The following TXNRD3 variants were observed in gnomAD, a reference collection of about 807,000 sequenced individuals.
TXNRD3 encodes the protein thioredoxin reductase 3, also known as TXNRD3 neighbor gene protein.
TXNRD3 carries 68 observed loss-of-function variants against 78.2 expected under a neutral mutation model. The observed-to-expected ratio is 0.87, with a 90% confidence interval of 0.72 to 1.06. TXNRD3 has a LOEUF of 1.06. Ranked by LOEUF, TXNRD3 falls within the 50% of genes least tolerant of loss-of-function variation. The probability of loss-of-function intolerance (pLI) is 0.00; values close to 1 mark genes in which losing one functional copy is unlikely to be tolerated. For missense variants in TXNRD3, 751 were observed against 809.5 expected (o/e 0.93, Z 0.88); for synonymous variants, 296 against 300.1 (o/e 0.99, Z 0.14).
intron 14 of TXNRD3, 74 bp from the exon 15 acceptor site, chr3:126,608,707 TCA>T (rs2107607313): frequency 7.0e-7 from 1 of 1,431,842 alleles, no homozygotes. Context: ...CACTGCAAAT[TCA>T]CAGTTAAAAT....
At position 126,654,740 on chromosome 3, in the gene TXNRD3, G is replaced by A; in HGVS notation, c.243+8C>T. ...GCGCGCGGTGGAACCGGCGAGGGCC[G>A]CGCCTACCCGAGTACTATGGGGACA... On this transcript the variant is annotated splice_region_variant and intron_variant, in intron 1 of 15. Transcript: ENST00000524230. 2.3e-6 allele frequency: 3 copies of A among 1,327,614 alleles called. No individual in the cohort carries two copies. Among genetic ancestry groups the A allele is most frequent in the Non-Finnish European group, 1.9e-6 (2 of 1,038,960 alleles). The allele number at this position is 1,327,614 out of a possible 1,614,324, so 82.2% of individuals were successfully genotyped here. A position where few individuals can be genotyped will look rare whatever the true frequency, so the allele number is the denominator to read the frequency against.
chr3:126,608,154 A>C (rs2107606901), intron 15 of TXNRD3, among the ~76,000 whole-genome samples, 181 bp from the exon 16 acceptor site: 1 of 152,288 alleles, frequency 6.6e-6, no homozygotes, highest in East Asian at 1.9e-4. Context: ...TTAGGTCAGA[A>C]GTTCGAGACC....
chr3:126,608,752 T>A (rs1000897326), intron 14 of TXNRD3, 119 bp from the exon 15 acceptor site: 1 of 1,157,428 alleles, frequency 8.6e-7, no homozygotes. Context: ...AGAACTTCAA[T>A]GTCAAAGTGA....
rs1384096650 is a variant in TXNRD3, at chr3:126,622,540, C to T, written c.1291G>A (p.Val431Ile). The change falls in exon 11 of 16, where the codon GTT becomes ATT. Residue 431 changes from valine (V) to isoleucine (I), a missense_variant and splice_region_variant. By Grantham distance (29) the Val-to-Ile change is conservative (BLOSUM62 3). Transcript: ENST00000524230. ...GAGTCACGACCAATAGCTAACAAAACCTGCATTTGCAGAGAAATCAAAAAC... is the reference window on the plus strand; with the variant it reads ...GAGTCACGACCAATAGCTAACAAAATCTGCATTTGCAGAGAAATCAAAAAC... The T allele has an allele frequency of 3.9e-6, 6 of 1,531,944 alleles. No homozygotes were observed. The highest frequency in any genetic ancestry group is 1.4e-5 in the African/African-American group (1 of 72,806). The allele number at this position is 1,531,944 out of a possible 1,614,324, so 94.9% of individuals were successfully genotyped here. A position where few individuals can be genotyped will look rare whatever the true frequency, so the allele number is the denominator to read the frequency against.
At chr3:126,628,903 A>C (rs1273207763) in intron 10 of TXNRD3, among the ~76,000 whole-genome samples, 1 of 152,146 alleles carries the variant, frequency 6.6e-6, no homozygotes, top group African/African-American at 2.4e-5. Context: ...GAGTATATAA[A>C]ACATAAATGT....
intron 1 of TXNRD3, among the ~76,000 whole-genome samples, chr3:126,653,257 T>G (rs1933432239): frequency 6.6e-6 from 1 of 152,254 alleles, no homozygotes; most frequent in African/African-American, 2.4e-5. Flanking sequence ...GCCATTTGGC[T>G]TAAGGTTGGT....
chr3:126,609,267 A>T, intron 14 of TXNRD3: 1 of 280,114 alleles, frequency 3.6e-6, no homozygotes, highest in South Asian at 3.2e-5. Flanking sequence ...CATACAATAG[A>T]TGAAGAGAAA....
rs1484849164 is a variant in TXNRD3 at position 126,654,976 on chromosome 3, C to T, written c.15G>A (p.Pro5=). Residue 5 remains proline (P), a synonymous_variant, in exon 1 of 16, where the codon CCG becomes CCA. Coordinates refer to ENST00000524230, the MANE Select transcript of TXNRD3 (RefSeq NM_052883.3). ...CCTTTCCCGGCCCGGGCGACTGCGG[C>T]GGCGACCGCTCCAGAGTCTCGCTCT... 1 of 1,300,916 alleles carries T rather than the reference C, an allele frequency of 7.7e-7. No individual in the cohort carries two copies. The allele number at this position is 1,300,916 out of a possible 1,614,324, so 80.6% of individuals were successfully genotyped here.
At chr3:126,619,693 A>G (rs1341241915) in intron 12 of TXNRD3, among the ~76,000 whole-genome samples, 1 of 152,240 alleles carries the variant, frequency 6.6e-6, no homozygotes, top group Non-Finnish European at 1.5e-5. Flanking sequence ...GCATATTTCC[A>G]AAAAGCTAAA....
chr3:126,650,609 C>G (rs947529999), intron 1 of TXNRD3, among the ~76,000 whole-genome samples: 5 of 151,946 alleles, frequency 3.3e-5, no homozygotes, highest in African/African-American at 1.2e-4. Flanking sequence ...CCACTGCACT[C>G]CAGCCTGGGC....
Position 126,655,118 on chromosome 3 carries a change from A to T in TXNRD3, c.-128T>A. Reference sequence around the variant, plus strand: ...GCTGGCCACTCTCACCACCCGCGCGAATCCGCGAGGCAGCCGCTCGCCCCG... The same window carrying T: ...GCTGGCCACTCTCACCACCCGCGCGTATCCGCGAGGCAGCCGCTCGCCCCG... On this transcript the variant is annotated 5_prime_UTR_variant, in exon 1 of 16. Coordinates refer to ENST00000524230, the MANE Select transcript of TXNRD3 (RefSeq NM_052883.3). 1 of 1,292,046 alleles carries T rather than the reference A, an allele frequency of 7.7e-7. No homozygotes were observed. Among genetic ancestry groups the T allele is most frequent in the South Asian group, 2.1e-5 (1 of 46,990 alleles). The allele number at this position is 1,292,046 out of a possible 1,614,324, so 80.0% of individuals were successfully genotyped here. A position where few individuals can be genotyped will look rare whatever the true frequency, so the allele number is the denominator to read the frequency against.
At chr3:126,634,296 G>C (rs911746622) in intron 6 of TXNRD3, among the ~76,000 whole-genome samples, 1 of 152,148 alleles carries the variant, frequency 6.6e-6, no homozygotes, top group Non-Finnish European at 1.5e-5. Context: ...GGAGAAAATG[G>C]GGAAACTGGC....
At chr3:126,609,479 G>A (rs1156400796) in intron 14 of TXNRD3, among the ~76,000 whole-genome samples, 5 of 152,178 alleles carry the variant, frequency 3.3e-5, no homozygotes. Context: ...TGGAACCTGA[G>A]GTGGTGGGTT....
chr3:126,636,683 T>G (rs1250970941), intron 6 of TXNRD3, among the ~76,000 whole-genome samples: 1 of 152,218 alleles, frequency 6.6e-6, no homozygotes, highest in South Asian at 2.1e-4. Context: ...GATTTGCCAA[T>G]GCTTGCCCTA....
chr3:126,631,215 C>G (rs1354374816), intron 8 of TXNRD3, among the ~76,000 whole-genome samples: 2 of 149,658 alleles, frequency 1.3e-5, no homozygotes, highest in African/African-American at 4.9e-5. Flanking sequence ...AAAAAAAAAC[C>G]TGTTTGTTTT....
intron 10 of TXNRD3, 123 bp downstream of exon 10, chr3:126,629,256 T>C (rs1340934093): frequency 1.4e-6 from 1 of 704,934 alleles, no homozygotes; most frequent in African/African-American, 1.8e-5. Context: ...TCTATGATAA[T>C]GCTCTTACAA....
chr3:126,608,191 T>C (rs968006521), intron 15 of TXNRD3, among the ~76,000 whole-genome samples: 2 of 151,924 alleles, frequency 1.3e-5, no homozygotes, highest in South Asian at 4.2e-4. Flanking sequence ...TGAAACCCCA[T>C]CTCTACTAAA....
At chr3:126,632,550 C>A (rs1222399882) in intron 7 of TXNRD3, among the ~76,000 whole-genome samples, 2 of 151,066 alleles carry the variant, frequency 1.3e-5, no homozygotes, top group Non-Finnish European at 2.9e-5. Context: ...ATCCCAGCTA[C>A]TTGGGAGGCT....
intron 14 of TXNRD3, 71 bp downstream of exon 14, chr3:126,610,966 A>G (rs764745099): frequency 5.8e-6 from 6 of 1,032,904 alleles, no homozygotes; most frequent in Non-Finnish European, 6.6e-6. Flanking sequence ...AAAATTATAG[A>G]AATCCAAATA....
Sources: allele counts gnomAD v4.1 joint callset (sites outside exome capture counted in the v4.1 genomes callset), GRCh38; gene constraint gnomAD v4.1.1; transcripts MANE v1.5; gene names NCBI Gene and HGNC (gene_info 2026-07-23, HGNC 2026-07-21).